The following NRG3 variants were observed in gnomAD, a reference collection of about 807,000 sequenced individuals.
NRG3 encodes neuregulin 3, also known as pro-neuregulin-3, membrane-bound isoform.
A neutral mutation model predicts 66.9 loss-of-function variants in NRG3; 31 were observed. The ratio of observed to expected loss-of-function variants is 0.46; its 90% CI spans 0.35 to 0.63. The LOEUF (loss-of-function observed/expected upper bound fraction) is 0.63, where lower values mean the gene tolerates loss of function less well. Ranked by LOEUF, NRG3 falls within the 20% of genes least tolerant of loss-of-function variation. The pLI, the probability that NRG3 is intolerant of heterozygous loss-of-function variation, is 0.00. For synonymous variants in NRG3, 393 were observed against 359.4 expected, an observed-to-expected ratio of 1.09 and a Z score of -1.06; for missense variants, 910 against 878.9, an observed-to-expected ratio of 1.04 and a Z score of -0.45.
chr10:82,785,243 T>A (rs1006113344), intron 3 of NRG3, among the ~76,000 whole-genome samples: 2 of 151,838 alleles, frequency 1.3e-5, no homozygotes, highest in Non-Finnish European at 2.9e-5. Context: ...TTAGGAGATA[T>A]ACCTAATGCT....
intron 2 of NRG3, among the ~76,000 whole-genome samples, chr10:82,480,697 A>G (rs937456699): frequency 3.3e-5 from 5 of 152,344 alleles, no homozygotes; most frequent in South Asian, 4.1e-4. Flanking sequence ...TGCATGGCAC[A>G]TGCTTATTCT....
intron 4 of NRG3, among the ~76,000 whole-genome samples, chr10:82,904,405 T>C (rs546684489): frequency 2.6e-5 from 4 of 152,256 alleles, no homozygotes; most frequent in Non-Finnish European, 5.9e-5. Context: ...CAGAAAATGG[T>C]TGGTCTCCTT....
At chr10:82,148,651 G>C (rs1461121797) in intron 1 of NRG3, among the ~76,000 whole-genome samples, 1 of 152,084 alleles carries the variant, frequency 6.6e-6, no homozygotes, top group Admixed American at 6.5e-5. Context: ...GCAGGGTTTA[G>C]GGAGAGGCCT....
intron 2 of NRG3, among the ~76,000 whole-genome samples, chr10:82,677,053 T>C (rs545514431): frequency 1.3e-5 from 2 of 150,700 alleles, no homozygotes; most frequent in South Asian, 4.2e-4. Context: ...TTTCTCTCTC[T>C]CTCTCTCTCT....
intron 4 of NRG3, among the ~76,000 whole-genome samples, chr10:82,934,649 G>T (rs947504681): frequency 1.3e-5 from 2 of 152,154 alleles, no homozygotes; most frequent in Non-Finnish European, 2.9e-5. Flanking sequence ...CTCACTGCTG[G>T]ATGACAACTT....
At chr10:82,012,207 G>T (rs1207618725) in intron 1 of NRG3, among the ~76,000 whole-genome samples, 2 of 152,190 alleles carry the variant, frequency 1.3e-5, no homozygotes, top group African/African-American at 4.8e-5. Flanking sequence ...CGTGGAAGCT[G>T]CCATGGCTTG....
chr10:82,350,873 T>C (rs1277519490), intron 1 of NRG3, among the ~76,000 whole-genome samples: 1 of 149,938 alleles, frequency 6.7e-6, no homozygotes, highest in Non-Finnish European at 1.5e-5. Flanking sequence ...ACATGTGCTA[T>C]TGAGGTGGTT....
intron 4 of NRG3, among the ~76,000 whole-genome samples, chr10:82,899,992 C>T (rs1844053589): frequency 6.6e-6 from 1 of 152,186 alleles, no homozygotes; most frequent in Non-Finnish European, 1.5e-5. Flanking sequence ...CACCGTTCTG[C>T]AGGCTGAACA....
chr10:82,554,735 A>G (rs111323290), intron 2 of NRG3, among the ~76,000 whole-genome samples: 15 of 152,226 alleles, frequency 9.9e-5, no homozygotes, highest in African/African-American at 3.6e-4. Flanking sequence ...AATTCTAGTC[A>G]TAATTTAACA....
chr10:82,497,010 T>C (rs1843690220), intron 2 of NRG3, among the ~76,000 whole-genome samples: 1 of 152,172 alleles, frequency 6.6e-6, no homozygotes, highest in African/African-American at 2.4e-5. Flanking sequence ...AAAGTTGCTG[T>C]CTCTCTCAGT....
At chr10:82,712,634 A>G (rs1164714969) in intron 2 of NRG3, among the ~76,000 whole-genome samples, 2 of 152,142 alleles carry the variant, frequency 1.3e-5, no homozygotes, top group Non-Finnish European at 2.9e-5. Context: ...GGATGCTCGC[A>G]ATGGGAGTCA....
At chr10:82,234,615 G>C (rs1022980781) in intron 1 of NRG3, among the ~76,000 whole-genome samples, 2 of 152,180 alleles carry the variant, frequency 1.3e-5, no homozygotes, top group African/African-American at 4.8e-5. Flanking sequence ...AGTTCAATTT[G>C]TTACAATATT....
At chr10:82,064,060 T>G (rs1042876727) in intron 1 of NRG3, among the ~76,000 whole-genome samples, 1 of 151,874 alleles carries the variant, frequency 6.6e-6, no homozygotes, top group Non-Finnish European at 1.5e-5. Context: ...CATGTCAACA[T>G]GAAACATAAT....
At chr10:82,673,545 A>C (rs2053451930) in intron 2 of NRG3, among the ~76,000 whole-genome samples, 1 of 152,200 alleles carries the variant, frequency 6.6e-6, no homozygotes. Context: ...TAGATTGCTG[A>C]CAGATCAGAT....
chr10:82,882,160 A>G (rs189987521), intron 4 of NRG3, among the ~76,000 whole-genome samples: 2 of 152,176 alleles, frequency 1.3e-5, no homozygotes, highest in East Asian at 1.9e-4. Context: ...TTCCTAATAC[A>G]TCGTTCATGC....
At chr10:82,243,783 CTGAGCTG>C (rs1335366743) in intron 1 of NRG3, among the ~76,000 whole-genome samples, 1 of 152,158 alleles carries the variant, frequency 6.6e-6, no homozygotes, top group Non-Finnish European at 1.5e-5. Flanking sequence ...AAACTGCTAA[CTGAGCTG>C]TGATGGTAAG....
chr10:82,436,081 A>G (rs1349857360), intron 2 of NRG3, among the ~76,000 whole-genome samples: 1 of 152,078 alleles, frequency 6.6e-6, no homozygotes, highest in African/African-American at 2.4e-5. Flanking sequence ...AGTTCAAGTC[A>G]TGAATATCCT....
intron 2 of NRG3, among the ~76,000 whole-genome samples, chr10:82,732,531 C>T (rs1259659149): frequency 6.6e-6 from 1 of 152,188 alleles, no homozygotes; most frequent in African/African-American, 2.4e-5. Flanking sequence ...CAAGTACTTA[C>T]TGGCTGTGTG....
At chr10:82,036,858 A>G (rs996263401) in intron 1 of NRG3, among the ~76,000 whole-genome samples, 3 of 152,102 alleles carry the variant, frequency 2.0e-5, no homozygotes, top group Non-Finnish European at 4.4e-5. Context: ...AAGGTGCCAC[A>G]TTAATGCCGA....
Sources: allele counts gnomAD v4.1 joint callset (sites outside exome capture counted in the v4.1 genomes callset), GRCh38; gene constraint gnomAD v4.1.1; transcripts MANE v1.5; gene names NCBI Gene and HGNC (gene_info 2026-07-23, HGNC 2026-07-21).